Variants in DDX11 observed in about 807,000 individuals in gnomAD.
DDX11 encodes DEAD/H-box helicase 11.
In DDX11, 72 loss-of-function variants were observed where a neutral mutation model predicts 125.2. The observed-to-expected ratio is 0.58, with a 90% CI of 0.48 to 0.70. The LOEUF (loss-of-function observed/expected upper bound fraction) is 0.70. Among genes scored for constraint, DDX11 ranks in the 30% least tolerant of loss-of-function variants. DDX11 has a pLI of 0.00. For missense variants in DDX11, 883 were observed against 1,165.0 expected, an observed-to-expected ratio of 0.76 and a Z score of 3.52; for synonymous variants, 347 against 452.6, an observed-to-expected ratio of 0.77 and a Z score of 2.96.
chr12:31,079,542 CTT>C (rs1161120138), intron 2 of DDX11, among the ~76,000 whole-genome samples: 1 of 145,810 alleles, frequency 6.9e-6, no homozygotes, highest in African/African-American at 2.6e-5. Flanking sequence ...TTTGGTGTCT[CTT>C]TCTCTTTTAT....
intron 17 of DDX11, among the ~76,000 whole-genome samples, chr12:31,097,289 G>C (rs892598600): frequency 1.3e-5 from 2 of 152,078 alleles, no homozygotes; most frequent in African/African-American, 4.8e-5. Context: ...CTTCTACTGT[G>C]GGGTAGGTGG....
chr12:31,101,789 G>A lies in DDX11; in HGVS notation c.2053-44G>A, dbSNP rs758256851. The stretch of plus-strand genomic sequence containing the variant: ...GACGCGGTTTGTGGGTGGCTGAGGG[G>A]TTGCTCCATGGGGGCTCCCTCCCTC... On this transcript the variant is annotated intron_variant, in intron 20 of 26. Coordinates refer to ENST00000542838, the MANE Select transcript of DDX11 (RefSeq NM_030653.4). The A allele has an allele frequency of 3.2e-5, 52 of 1,613,444 alleles. No individual in the cohort carries two copies. In the East Asian group the frequency reaches 1.1e-3, roughly 35 times the overall value.
chr12:31,089,831 C>A, intron 8 of DDX11, 55 bp from the exon 9 acceptor site: 1 of 1,590,956 alleles, frequency 6.3e-7, no homozygotes, highest in Non-Finnish European at 8.6e-7. Flanking sequence ...CTCTTGGGCC[C>A]GTGGACAGTT....
chr12:31,076,247 C>G (rs59780255), intron 1 of DDX11, among the ~76,000 whole-genome samples: 13,114 of 152,180 alleles, frequency 0.086, 695 homozygotes, highest in Middle Eastern at 0.21. Context: ...TTGGGATAAG[C>G]AGAAACCGAG....
rs1448907200 is a variant in DDX11 at position 31,101,189 on chromosome 12, G to A, written c.2052+59G>A. On this transcript the variant is annotated intron_variant, in intron 20 of 26. Transcript: ENST00000542838. ...GGCCTCAGGCAGCAAAGGGTTTTCTGGGGCAGGGGCGCTCTGGCCCACCCT... is the reference window on the plus strand; with the variant it reads ...GGCCTCAGGCAGCAAAGGGTTTTCTAGGGCAGGGGCGCTCTGGCCCACCCT... 4.3e-5 allele frequency: 63 copies of A among 1,479,544 alleles called. 1 individual carries two copies. The East Asian group carries it at 1.4e-3, about 33-fold the overall frequency. The allele number at this position is 1,479,544 out of a possible 1,614,324, so 91.7% of individuals were successfully genotyped here.
chr12:31,099,156 C>T (rs1468548659), intron 18 of DDX11, among the ~76,000 whole-genome samples: 4 of 141,434 alleles, frequency 2.8e-5, no homozygotes, highest in Admixed American at 1.5e-4. Flanking sequence ...GACCTGATCA[C>T]GGCTCTCTGC....
chr12:31,081,045 C>T (rs1254426606), intron 2 of DDX11, among the ~76,000 whole-genome samples: 2 of 152,172 alleles, frequency 1.3e-5, no homozygotes, highest in African/African-American at 4.8e-5. Flanking sequence ...GTACCTGACC[C>T]CTTTCACCTT....
Position 31,089,387 on chromosome 12 carries a change from T to A in DDX11, c.793-16T>A, listed in dbSNP as rs1304858342. On this transcript the variant is annotated splice_polypyrimidine_tract_variant and intron_variant, in intron 7 of 26. Transcript: ENST00000542838. ...TGGCACCATCTTTTTGCCTCTTTCTTTCTCCTTTGCTGCAGAACCTTTGTG... is the reference window on the plus strand; with the variant it reads ...TGGCACCATCTTTTTGCCTCTTTCTATCTCCTTTGCTGCAGAACCTTTGTG... The A allele has an allele frequency of 6.2e-7, 1 of 1,613,898 alleles. No individual in the cohort carries two copies. The highest frequency in any genetic ancestry group is 8.5e-7 in the Non-Finnish European group (1 of 1,179,788).
At chr12:31,097,062 A>C in intron 17 of DDX11, 72 bp downstream of exon 17, 1 of 1,594,638 alleles carries the variant, frequency 6.3e-7, no homozygotes, top group Non-Finnish European at 8.5e-7. Context: ...CCGCAGCGTG[A>C]AAGGATTCTT....
Position 31,094,595 on chromosome 12 carries a change from A to G in DDX11, c.1375A>G (p.Ile459Val), listed in dbSNP as rs372263203. 28 of 1,577,854 alleles carry G rather than the reference A, an allele frequency of 1.8e-5. No individual in the cohort carries two copies. Among genetic ancestry groups the G allele is most frequent in the African/African-American group, 2.7e-5 (2 of 73,684 alleles). The change falls in exon 13 of 27, where the codon ATT (isoleucine) becomes GTT (valine). Residue 459 changes from isoleucine (I) to valine (V), a missense_variant. Physicochemically the swap from Ile to Val is conservative, Grantham distance 29. This residue lies in a region of DDX11 where 241 missense variants were observed against 279.7 expected (regional missense o/e 0.86). Coordinates refer to ENST00000542838, the MANE Select transcript of DDX11 (RefSeq NM_030653.4). ...ATTTCCATTCTCTTTTTTAGGGAAC[A>G]TTAAGCAAAATCCCAATACACAGAG... ...EKFVAVLGGN[I>V]KQNPNTQSLS... is the part of the protein sequence containing the mutation.
Position 31,096,385 on chromosome 12 carries a change from T to C in DDX11, c.1521+6T>C, listed in dbSNP as rs71455621. Reference sequence around the variant, plus strand: ...AGAGCATGATCAGCAGAAAGGTAACTGCTCCCATCTTGTGGTCCTGAACAA... The same window carrying C: ...AGAGCATGATCAGCAGAAAGGTAACCGCTCCCATCTTGTGGTCCTGAACAA... On this transcript the variant is annotated splice_donor_region_variant and intron_variant, in intron 15 of 26. Transcript: ENST00000542838. 0.075 allele frequency: 116,975 copies of C among 1,553,756 alleles called. 2,100 individuals carry two copies. Among genetic ancestry groups the C allele is most frequent in the Non-Finnish European group, 0.086 (97,078 of 1,125,676 alleles).
At chr12:31,075,112 A>C (rs1454325713) in intron 1 of DDX11, among the ~76,000 whole-genome samples, 3 of 152,192 alleles carry the variant, frequency 2.0e-5, no homozygotes, top group Non-Finnish European at 1.5e-5. Flanking sequence ...GTGCCTTGGC[A>C]CTGGGAGGTG....
chr12:31,091,206 T>G (rs1160901521), intron 9 of DDX11: 6 of 153,090 alleles, frequency 3.9e-5, no homozygotes, highest in African/African-American at 1.4e-4. Flanking sequence ...CCTAAAGATG[T>G]GCAGAGTTGC....
chr12:31,095,745 T>C (rs1482204882), intron 14 of DDX11, among the ~76,000 whole-genome samples: 2 of 152,156 alleles, frequency 1.3e-5, no homozygotes, highest in African/African-American at 4.8e-5. Flanking sequence ...AGGCACTCCT[T>C]CTCTCGCCTT....
intron 2 of DDX11, among the ~76,000 whole-genome samples, chr12:31,080,647 CAT>C (rs1211671599): frequency 6.6e-6 from 1 of 152,186 alleles, no homozygotes; most frequent in Non-Finnish European, 1.5e-5. Context: ...TCTCCTAAAA[CAT>C]ATTACTCCTT....
chr12:31,093,552 C>G (rs1944632164), intron 12 of DDX11: 5 of 588,344 alleles, frequency 8.5e-6, no homozygotes, highest in Non-Finnish European at 1.2e-5. Context: ...CCCATCTCTA[C>G]TAAAAATACA....
rs529792031 is a variant in DDX11, at chr12:31,079,906, C to T, written c.144+1369C>T. Among the ~76,000 whole-genome samples the T allele has an allele frequency of 1.6e-3, 236 of 151,906 alleles. 1 individual carries two copies. Among genetic ancestry groups the T allele is most frequent in the African/African-American group, 5.5e-3 (226 of 41,300 alleles). On this transcript the variant is annotated intron_variant, in intron 2 of 26. Transcript: ENST00000542838. ...AATTCCATTTTTACCTTGGAGCCCTCCTGGAATCCTCCATCCTTTCCCTGT... is the reference window on the plus strand; with the variant it reads ...AATTCCATTTTTACCTTGGAGCCCTTCTGGAATCCTCCATCCTTTCCCTGT...
intron 1 of DDX11, among the ~76,000 whole-genome samples, chr12:31,075,646 C>T (rs1423624815): frequency 4.6e-5 from 7 of 152,174 alleles, no homozygotes; most frequent in Non-Finnish European, 1.5e-5. Context: ...GTTACCCAGC[C>T]TCGGAAGAGA....
rs1414526799 is a variant in DDX11 at position 31,085,083 on chromosome 12, C to G, written c.595C>G (p.Leu199Val). The G allele has an allele frequency of 8.8e-6, 14 of 1,594,996 alleles. No individual in the cohort carries two copies. The highest frequency in any genetic ancestry group is 5.2e-5 in the Admixed American group (3 of 57,346). Residue 199 changes from leucine to valine, a missense_variant, in exon 5 of 27, where the codon CTC becomes GTC. This residue lies in a region of DDX11 where 283 missense variants were observed against 359.6 expected (regional missense o/e 0.79). Coordinates refer to ENST00000542838, the MANE Select transcript of DDX11 (RefSeq NM_030653.4). ...GGAGTCTGGGGAGGAGGAGCTGGTC[C>G]TCGCCGAATACGAGAGTGATGAGGA... ...QLESGEEELV[L>V]AEYESDEEKK... is the part of the protein sequence containing the mutation.
Sources: gnomAD v4.1 joint callset for allele counts (sites outside exome capture counted in the v4.1 genomes callset) on GRCh38, gnomAD v4.1.1 for gene constraint, gnomAD v4.1.1 regional missense constraint, MANE v1.5 for transcripts, NCBI Gene and HGNC (gene_info 2026-07-23, HGNC 2026-07-21) for gene names.